The following SAMD4A variants were observed in gnomAD, a reference collection of about 807,000 sequenced individuals.
The protein encoded by SAMD4A is sterile alpha motif domain containing 4A.
Under a neutral mutation model 81.3 loss-of-function variants are expected in SAMD4A, and 33 were observed. The observed-to-expected ratio is 0.41, with a 90% CI of 0.31 to 0.54. The LOEUF (loss-of-function observed/expected upper bound fraction) is 0.54, where lower values mean the gene tolerates loss of function less well. SAMD4A is among the 20% of genes least tolerant of loss of function. SAMD4A has a pLI of 0.37. For missense variants in SAMD4A, 854 were observed against 951.1 expected (o/e 0.90, Z 1.34); for synonymous variants, 389 against 382.1 (o/e 1.02, Z -0.21).
intron 6 of SAMD4A, among the ~76,000 whole-genome samples, chr14:54,757,605 GA>G (rs1328701922): frequency 6.6e-6 from 1 of 152,184 alleles, no homozygotes; most frequent in Non-Finnish European, 1.5e-5. Context: ...TGGTGCAGTT[GA>G]CAGAGTGTCC....
intron 8 of SAMD4A, among the ~76,000 whole-genome samples, chr14:54,764,917 A>C (rs2038496265): frequency 6.6e-6 from 1 of 152,206 alleles, no homozygotes; most frequent in South Asian, 2.1e-4. Flanking sequence ...AGCTCAGGGA[A>C]CTGGAGAGAG....
At chr14:54,788,789 A>AT in intron 12 of SAMD4A, 127 bp from the exon 13 acceptor site, 1 of 1,117,462 alleles carries the variant, frequency 8.9e-7, no homozygotes, top group Non-Finnish European at 1.4e-6. Flanking sequence ...GCGTGAACAC[A>AT]TGAACGTAGG....
intron 3 of SAMD4A, among the ~76,000 whole-genome samples, chr14:54,719,661 C>T (rs1457288506): frequency 6.6e-6 from 1 of 152,182 alleles, no homozygotes; most frequent in Non-Finnish European, 1.5e-5. Context: ...TCAGAGCACA[C>T]ATGGTGGCGT....
chr14:54,618,466 T>C (rs1473422585), intron 2 of SAMD4A, among the ~76,000 whole-genome samples: 1 of 152,204 alleles, frequency 6.6e-6, no homozygotes, highest in East Asian at 1.9e-4. Flanking sequence ...AAAGGAAATA[T>C]CAGGTAAGGT....
chr14:54,640,547 C>T (rs768770794), intron 2 of SAMD4A, among the ~76,000 whole-genome samples: 3 of 152,124 alleles, frequency 2.0e-5, no homozygotes, highest in Non-Finnish European at 1.5e-5. Context: ...CTGGAGAAGC[C>T]GGCAGTTTTG....
At chr14:54,770,295 G>C in intron 9 of SAMD4A, 73 bp downstream of exon 9, 1 of 1,019,838 alleles carries the variant, frequency 9.8e-7, no homozygotes, top group Non-Finnish European at 1.5e-6. Flanking sequence ...CGGTTCCTGG[G>C]GCAGGAATAT....
In SAMD4A at chr14:54,760,349, A is replaced by T. The variant is rs199871855; in HGVS notation, c.1365A>T (p.Ala455=). The change falls in exon 7 of 13, where the codon GCA becomes GCT. Residue 455 remains alanine (A), a synonymous_variant. Coordinates refer to ENST00000554335, the MANE Select transcript of SAMD4A (RefSeq NM_015589.6). ...GCCCCGACTGCAAAGATGGGGCCGC[A>T]GCCACTGGCGCCACGGCCACCCCCT... The part of the protein sequence containing the change: ...SQSPDCKDGA[A]ATGATATPSA... 1 of 1,589,832 alleles carries T rather than the reference A, an allele frequency of 6.3e-7. No individual in the cohort carries two copies. The highest frequency in any genetic ancestry group is 1.8e-5 in the Admixed American group (1 of 57,028).
At chr14:54,785,573 A>T (rs1479143137) in intron 12 of SAMD4A, among the ~76,000 whole-genome samples, 1 of 152,160 alleles carries the variant, frequency 6.6e-6, no homozygotes, top group Admixed American at 6.5e-5. Context: ...AGCCCTATCC[A>T]GTCTAGACAC....
intron 11 of SAMD4A, among the ~76,000 whole-genome samples, chr14:54,782,472 C>A (rs760123264): frequency 3.3e-5 from 5 of 152,104 alleles, no homozygotes; most frequent in African/African-American, 1.2e-4. Flanking sequence ...ATCTCTTCCC[C>A]CTGGAATTGT....
chr14:54,607,254 A>G (rs201170389), intron 2 of SAMD4A, among the ~76,000 whole-genome samples: 19 of 151,886 alleles, frequency 1.3e-4, no homozygotes, highest in Non-Finnish European at 2.4e-4. Context: ...GAAGTTCCTC[A>G]TGTGAGATCG....
Position 54,753,573 on chromosome 14 carries a change from CT to C in SAMD4A, c.1176+2039del, listed in dbSNP as rs548248927. On this transcript the variant is annotated intron_variant, in intron 6 of 12. Coordinates refer to ENST00000554335, the MANE Select transcript of SAMD4A (RefSeq NM_015589.6). ...CAAAATGGAGTCTCTTATGTCTTTC[CT>C]TTCTACATAGACACAGTAACAGTCT... Among the ~76,000 whole-genome samples, 317 of 152,262 alleles carry C rather than the reference CT, an allele frequency of 2.1e-3. 1 individual carries two copies. Among genetic ancestry groups the C allele is most frequent in the African/African-American group, 7.4e-3 (308 of 41,556 alleles).
intron 12 of SAMD4A, among the ~76,000 whole-genome samples, chr14:54,787,228 C>T (rs1442317786): frequency 6.6e-6 from 1 of 152,210 alleles, no homozygotes; most frequent in Non-Finnish European, 1.5e-5. Flanking sequence ...TGATCTGACA[C>T]CACTGACACA....
At chr14:54,690,344 G>T (rs2295817) in intron 2 of SAMD4A, among the ~76,000 whole-genome samples, 128,720 of 152,056 alleles carry the variant, frequency 0.85, 55,656 homozygotes, top group Non-Finnish European at 0.94. Flanking sequence ...CAGAGAGTAT[G>T]TAATGATAAA....
intron 2 of SAMD4A, among the ~76,000 whole-genome samples, chr14:54,576,184 T>C (rs1055890485): frequency 6.6e-6 from 1 of 152,170 alleles, no homozygotes; most frequent in African/African-American, 2.4e-5. Flanking sequence ...TTTATCCTGA[T>C]CTGTCATAGA....
At chr14:54,649,182 T>G (rs1390985323) in intron 2 of SAMD4A, among the ~76,000 whole-genome samples, 1 of 152,190 alleles carries the variant, frequency 6.6e-6, no homozygotes, top group Non-Finnish European at 1.5e-5. Context: ...GGCTGTCGAG[T>G]AGGATTTGAA....
chr14:54,701,757 CAG>C (rs907656808), intron 2 of SAMD4A, among the ~76,000 whole-genome samples: 1 of 152,232 alleles, frequency 6.6e-6, no homozygotes, highest in Non-Finnish European at 1.5e-5. Context: ...AGACCTTTCT[CAG>C]AAAGAAAACA....
chr14:54,568,263 T>G (rs1268200533), intron 2 of SAMD4A, 151 bp downstream of exon 2: 1 of 664,032 alleles, frequency 1.5e-6, no homozygotes, highest in Non-Finnish European at 2.3e-6. Flanking sequence ...ATCCACCCCC[T>G]CCGGGTGTCC....
At chr14:54,640,812 A>G (rs553556847) in intron 2 of SAMD4A, among the ~76,000 whole-genome samples, 3 of 151,982 alleles carry the variant, frequency 2.0e-5, no homozygotes, top group Admixed American at 6.6e-5. Context: ...AGAGAATGCT[A>G]TGGTATATCT....
chr14:54,722,671 T>C lies in SAMD4A; in HGVS notation c.716-14353T>C, dbSNP rs529149665. Among the ~76,000 whole-genome samples the C allele has an allele frequency of 2.6e-5, 4 of 152,272 alleles. No individual in the cohort carries two copies. The South Asian group carries it at 8.3e-4, about 32-fold the overall frequency. ...GTCTTTGATTCCTTAACTGATAAAATAGCAAGGGGAGTGGATTAGATGATA... is the reference window on the plus strand; with the variant it reads ...GTCTTTGATTCCTTAACTGATAAAACAGCAAGGGGAGTGGATTAGATGATA... On this transcript the variant is annotated intron_variant, in intron 3 of 12. Coordinates refer to ENST00000554335, the MANE Select transcript of SAMD4A (RefSeq NM_015589.6).
Sources: allele counts gnomAD v4.1 joint callset (sites outside exome capture counted in the v4.1 genomes callset), GRCh38; gene constraint gnomAD v4.1.1; transcripts MANE v1.5; gene names NCBI Gene and HGNC (gene_info 2026-07-23, HGNC 2026-07-21).